FOXP2: variants seen among roughly 807,000 people sequenced by gnomAD.
The protein encoded by FOXP2 is forkhead box P2, also known as forkhead box protein P2.
FOXP2 carries 12 observed loss-of-function variants against 115.8 expected under a neutral mutation model. The observed-to-expected ratio is 0.10, with a 90% confidence interval of 0.07 to 0.17. FOXP2 has a LOEUF of 0.17. Ranked by LOEUF, FOXP2 falls within the 10% of genes least tolerant of loss-of-function variation. FOXP2 has a pLI of 1.00. For synonymous variants in FOXP2, 328 were observed against 297.7 expected (o/e 1.10, Z -1.05); for missense variants, 629 against 843.5 (o/e 0.75, Z 3.15).
chr7:114,590,753 A>T (rs1244373286), intron 3 of FOXP2, among the ~76,000 whole-genome samples: 2 of 152,130 alleles, frequency 1.3e-5, no homozygotes, highest in African/African-American at 4.8e-5. Flanking sequence ...ATGAATGATT[A>T]TCTAGGGAGA....
At chr7:114,102,391 T>G (rs1562964760) in intron 1 of FOXP2, among the ~76,000 whole-genome samples, 1 of 152,004 alleles carries the variant, frequency 6.6e-6, no homozygotes, top group African/African-American at 2.4e-5. Context: ...CTATAGTAAA[T>G]GATATAGGCT....
At chr7:114,480,574 T>C (rs1796482431) in intron 2 of FOXP2, among the ~76,000 whole-genome samples, 1 of 150,188 alleles carries the variant, frequency 6.7e-6, no homozygotes, top group African/African-American at 2.4e-5. Flanking sequence ...TACATGTAAA[T>C]ATATGTATAT....
At chr7:114,674,643 T>C (rs1341195540) in intron 16 of FOXP2, among the ~76,000 whole-genome samples, 2 of 152,172 alleles carry the variant, frequency 1.3e-5, no homozygotes, top group African/African-American at 4.8e-5. Flanking sequence ...AAGTAATAAC[T>C]CTGTTGTATA....
intron 2 of FOXP2, among the ~76,000 whole-genome samples, chr7:114,304,771 T>C (rs1675657870): frequency 6.6e-6 from 1 of 151,722 alleles, no homozygotes; most frequent in Admixed American, 6.6e-5. Context: ...CTCTTAATGA[T>C]ACTTTGTCTT....
At chr7:114,455,326 G>C (rs1205973398) in intron 2 of FOXP2, among the ~76,000 whole-genome samples, 7 of 152,120 alleles carry the variant, frequency 4.6e-5, no homozygotes, top group Non-Finnish European at 2.9e-5. Context: ...AGTCATAAAT[G>C]CTAAGTCTTT....
At chr7:114,319,471 A>T (rs368125170) in intron 2 of FOXP2, among the ~76,000 whole-genome samples, 45 of 152,232 alleles carry the variant, frequency 3.0e-4, no homozygotes, top group Non-Finnish European at 5.0e-4. Flanking sequence ...ACAGTTCCAC[A>T]TGGCTGGGGT....
chr7:114,349,817 G>A (rs1473508177), intron 2 of FOXP2, among the ~76,000 whole-genome samples: 1 of 152,018 alleles, frequency 6.6e-6, no homozygotes, highest in African/African-American at 2.4e-5. Context: ...GTCAATTAGT[G>A]TCTAAAGTCC....
chr7:114,553,757 G>A (rs914255926), intron 3 of FOXP2, among the ~76,000 whole-genome samples: 7 of 152,034 alleles, frequency 4.6e-5, no homozygotes, highest in Non-Finnish European at 1.0e-4. Context: ...AAAGATGAAA[G>A]TAAAGTTCTG....
intron 1 of FOXP2, among the ~76,000 whole-genome samples, chr7:114,166,929 T>C (rs1792998405): frequency 6.6e-6 from 1 of 152,152 alleles, no homozygotes; most frequent in Non-Finnish European, 1.5e-5. Context: ...CACCAAATGA[T>C]GGTGAGGATG....
At chr7:114,122,573 A>G (rs1056120931) in intron 1 of FOXP2, among the ~76,000 whole-genome samples, 3 of 151,778 alleles carry the variant, frequency 2.0e-5, no homozygotes, top group Admixed American at 2.0e-4. Flanking sequence ...TTCCTGAGTC[A>G]GAAATTCTGT....
At chr7:114,101,572 G>T (rs1409517871) in intron 1 of FOXP2, among the ~76,000 whole-genome samples, 1 of 152,012 alleles carries the variant, frequency 6.6e-6, no homozygotes, top group African/African-American at 2.4e-5. Context: ...ATTTTTAAGT[G>T]CTCACAAACC....
At chr7:114,161,142 C>A (rs1030693894), upstream of FOXP2, among the ~76,000 whole-genome samples, 1 of 152,088 alleles carries the variant, frequency 6.6e-6, no homozygotes, top group African/African-American at 2.4e-5. Flanking sequence ...GCTTGAACTG[C>A]CATGTGGATA....
chr7:114,212,800 A>C (rs1223604344), intron 1 of FOXP2, among the ~76,000 whole-genome samples: 4 of 152,204 alleles, frequency 2.6e-5, no homozygotes, highest in African/African-American at 9.6e-5. Flanking sequence ...CAACAACAAC[A>C]TCCTGTAAAT....
chr7:114,262,585 C>G (rs1795783393), intron 1 of FOXP2, among the ~76,000 whole-genome samples: 1 of 152,084 alleles, frequency 6.6e-6, no homozygotes, highest in African/African-American at 2.4e-5. Flanking sequence ...GTATGGTAGC[C>G]ATTAGCCACA....
At chr7:114,473,842 A>G (rs941020768) in intron 2 of FOXP2, among the ~76,000 whole-genome samples, 7 of 152,134 alleles carry the variant, frequency 4.6e-5, no homozygotes, top group East Asian at 1.9e-4. Context: ...GTAATTATCC[A>G]TGATCAATTC....
At chr7:114,682,184 A>G (rs1472732291) in intron 16 of FOXP2, among the ~76,000 whole-genome samples, 2 of 152,180 alleles carry the variant, frequency 1.3e-5, no homozygotes, top group African/African-American at 4.8e-5. Flanking sequence ...TTGCATAGCT[A>G]GGAAGTAAAG....
intron 3 of FOXP2, among the ~76,000 whole-genome samples, chr7:114,592,053 T>C (rs911483520): frequency 1.3e-5 from 2 of 152,118 alleles, no homozygotes; most frequent in African/African-American, 4.8e-5. Context: ...CCTGACGCAC[T>C]ATTTCTTAAA....
intron 3 of FOXP2, among the ~76,000 whole-genome samples, chr7:114,591,028 C>T (rs1213630959): frequency 1.3e-5 from 2 of 152,084 alleles, no homozygotes; most frequent in African/African-American, 4.8e-5. Context: ...TCTCAAAGTG[C>T]TTTTTATGCT....
intron 2 of FOXP2, among the ~76,000 whole-genome samples, chr7:114,341,044 C>T (rs933557590): frequency 4.0e-5 from 6 of 151,160 alleles, no homozygotes; most frequent in Non-Finnish European, 4.5e-5. Flanking sequence ...GAAATCTGCA[C>T]TTCGTTTTAA....
Sources: allele counts gnomAD v4.1 joint callset (sites outside exome capture counted in the v4.1 genomes callset), GRCh38; gene constraint gnomAD v4.1.1; transcripts MANE v1.5; gene names NCBI Gene and HGNC (gene_info 2026-07-23, HGNC 2026-07-21).